ACTR2: variants seen among roughly 807,000 people sequenced by gnomAD.
ACTR2 encodes the protein actin-related protein 2.
ACTR2 carries 5 observed loss-of-function variants against 50.2 expected under a neutral mutation model. The ratio of observed to expected loss-of-function variants is 0.10; its 90% CI spans 0.05 to 0.21. The LOEUF (loss-of-function observed/expected upper bound fraction) is 0.21. ACTR2 is among the 10% of genes least tolerant of loss of function. The pLI is 1.00. For synonymous variants in ACTR2, 140 were observed against 162.9 expected, an observed-to-expected ratio of 0.86 and a Z score of 1.07; for missense variants, 180 against 480.6, an observed-to-expected ratio of 0.37 and a Z score of 5.85.
At chr2:65,235,246 ATTC>A (rs1408341045) in intron 1 of ACTR2, among the ~76,000 whole-genome samples, 2 of 151,960 alleles carry the variant, frequency 1.3e-5, no homozygotes, top group African/African-American at 2.4e-5. Flanking sequence ...ACTAGATGTT[ATTC>A]TTTTCCTCTG....
At chr2:65,242,153 AGG>A in intron 2 of ACTR2, 1 of 891,014 alleles carries the variant, frequency 1.1e-6, no homozygotes, top group Non-Finnish European at 1.8e-6. Context: ...AGTATTGGGG[AGG>A]GGGGGTTATT....
intron 7 of ACTR2, 31 bp downstream of exon 7, chr2:65,261,423 T>TAA: frequency 6.3e-7 from 1 of 1,575,780 alleles, no homozygotes; most frequent in Non-Finnish European, 8.6e-7. Flanking sequence ...TCAAAGTTAT[T>TAA]TATCAGAAAA....
chr2:65,239,528 A>G lies in ACTR2; in HGVS notation c.49-324A>G, dbSNP rs572636639. Among the ~76,000 whole-genome samples, 11 of 152,394 alleles carry G rather than the reference A, an allele frequency of 7.2e-5. No homozygotes were observed. In the South Asian group the frequency reaches 2.3e-3, roughly 32 times the overall value. Reference sequence around the variant, plus strand: ...TCCCACAGATACTTCTGGAGTGAGCACTGTGTGCCAGGAGCTCTGTTAGGT... The same window carrying G: ...TCCCACAGATACTTCTGGAGTGAGCGCTGTGTGCCAGGAGCTCTGTTAGGT... On this transcript the variant is annotated intron_variant, in intron 1 of 8. Coordinates refer to ENST00000260641, the MANE Select transcript of ACTR2 (RefSeq NM_005722.4).
intron 7 of ACTR2, among the ~76,000 whole-genome samples, chr2:65,263,948 G>T (rs572027307): frequency 6.6e-6 from 1 of 152,118 alleles, no homozygotes; most frequent in South Asian, 2.1e-4. Flanking sequence ...CCAGCTACTC[G>T]GGAGGCTGAG....
At chr2:65,241,520 T>C (rs760581804) in intron 2 of ACTR2, among the ~76,000 whole-genome samples, 2 of 152,186 alleles carry the variant, frequency 1.3e-5, no homozygotes, top group Non-Finnish European at 2.9e-5. Context: ...TTGGCTCAAT[T>C]CTGTTCACTC....
At chr2:65,252,586 A>T (rs919069628) in intron 4 of ACTR2, among the ~76,000 whole-genome samples, 10 of 152,304 alleles carry the variant, frequency 6.6e-5, no homozygotes, top group Admixed American at 6.5e-4. Flanking sequence ...CAGAGGTTGC[A>T]GTGAGCTGAG....
At chr2:65,230,510 C>CA (rs1268691761) in intron 1 of ACTR2, among the ~76,000 whole-genome samples, 1 of 148,748 alleles carries the variant, frequency 6.7e-6, no homozygotes, top group African/African-American at 2.5e-5. Context: ...CTCCTGGGCT[C>CA]AAGCGGTTCT....
chr2:65,238,987 A>C (rs2103988638), intron 1 of ACTR2, among the ~76,000 whole-genome samples: 3 of 152,234 alleles, frequency 2.0e-5, no homozygotes, highest in Admixed American at 2.0e-4. Flanking sequence ...AAATAGCCAA[A>C]AATGCCTAAT....
chr2:65,238,455 C>T (rs1260026466), intron 1 of ACTR2, among the ~76,000 whole-genome samples: 1 of 147,866 alleles, frequency 6.8e-6, no homozygotes, highest in Non-Finnish European at 1.5e-5. Context: ...GTCAGGAGAT[C>T]GAGACCATCC....
At chr2:65,242,847 A>G (rs1362080272) in intron 2 of ACTR2, among the ~76,000 whole-genome samples, 1 of 152,238 alleles carries the variant, frequency 6.6e-6, no homozygotes, top group East Asian at 1.9e-4. Context: ...GACAAAAATC[A>G]GGCACTTCTA....
chr2:65,243,171 C>T lies in ACTR2; in HGVS notation c.159+3209C>T, dbSNP rs1474639461. ...GTGTGTGCCTGTAATTCCAGCTACT[C>T]AGGAAGCTGAGGCAGGAGAATCGCT... On this transcript the variant is annotated intron_variant, in intron 2 of 8. Coordinates refer to ENST00000260641, the MANE Select transcript of ACTR2 (RefSeq NM_005722.4). 4.6e-5 allele frequency among the ~76,000 whole-genome samples: 7 copies of T among 152,086 alleles called. No homozygotes were observed. In the South Asian group the frequency reaches 1.0e-3, roughly 23 times the overall value.
chr2:65,264,074 G>A (rs1457806527), intron 7 of ACTR2, among the ~76,000 whole-genome samples: 1 of 152,008 alleles, frequency 6.6e-6, no homozygotes, highest in African/African-American at 2.4e-5. Context: ...AAAAAGAAAA[G>A]TACATGCCTG....
chr2:65,260,922 G>C (rs1672257672), intron 6 of ACTR2, among the ~76,000 whole-genome samples: 1 of 151,958 alleles, frequency 6.6e-6, no homozygotes, highest in Admixed American at 6.6e-5. Flanking sequence ...AGTAGAGACA[G>C]GGTTTCATTG....
chr2:65,260,510 ATCAG>A (rs199706105), intron 6 of ACTR2, among the ~76,000 whole-genome samples: 1,878 of 151,278 alleles, frequency 0.012, 35 homozygotes, highest in African/African-American at 0.043. Flanking sequence ...GTCTCAATCA[ATCAG>A]TCAATCAGTG....
intron 1 of ACTR2, among the ~76,000 whole-genome samples, chr2:65,229,359 A>G (rs1446346626): frequency 6.6e-6 from 1 of 152,236 alleles, no homozygotes; most frequent in Non-Finnish European, 1.5e-5. Context: ...ATTTACTGCC[A>G]TAATACTGCC....
chr2:65,241,594 T>C (rs1481302456), intron 2 of ACTR2, among the ~76,000 whole-genome samples: 1 of 152,190 alleles, frequency 6.6e-6, no homozygotes, highest in Non-Finnish European at 1.5e-5. Flanking sequence ...AAAAGATACC[T>C]GTGTCAAATA....
At chr2:65,245,682 C>T (rs7558354) in intron 2 of ACTR2, among the ~76,000 whole-genome samples, 51,326 of 152,040 alleles carry the variant, frequency 0.34, 9,849 homozygotes, top group African/African-American at 0.51. Flanking sequence ...ACTAGCTGTT[C>T]TCTAAAAATA....
intron 8 of ACTR2, among the ~76,000 whole-genome samples, chr2:65,268,013 A>G (rs1399015560): frequency 1.3e-5 from 2 of 150,778 alleles, no homozygotes; most frequent in Admixed American, 6.6e-5. Flanking sequence ...ATTTTTTTGT[A>G]TTTTTAGTAG....
chr2:65,270,775 A>G lies in ACTR2; in HGVS notation c.*2041A>G, dbSNP rs1315728684. The G allele has an allele frequency of 6.6e-6, 1 of 152,124 alleles. No homozygotes were observed. Among genetic ancestry groups the G allele is most frequent in the Non-Finnish European group, 1.5e-5 (1 of 68,026 alleles). 9.4% of individuals were successfully genotyped at this position (152,124 alleles called of 1,614,324 possible). ...TGACAGTTAAAATGGTGCATTATGT[A>G]TATATATTATAATTTAGAAATACCA... On this transcript the variant is annotated 3_prime_UTR_variant, in exon 9 of 9. Coordinates refer to ENST00000260641, the MANE Select transcript of ACTR2 (RefSeq NM_005722.4).
Sources: allele counts gnomAD v4.1 joint callset (sites outside exome capture counted in the v4.1 genomes callset), GRCh38; gene constraint gnomAD v4.1.1; transcripts MANE v1.5; gene names NCBI Gene and HGNC (gene_info 2026-07-23, HGNC 2026-07-21).